Variants in ZNF16 observed in about 807,000 individuals in gnomAD.
The protein encoded by ZNF16 is zinc finger protein KOX9.
In ZNF16, 7 loss-of-function variants were observed where a neutral mutation model predicts 9.0. That is an observed-to-expected ratio of 0.78 (90% confidence interval 0.44 to 1.47). The LOEUF (loss-of-function observed/expected upper bound fraction) is 1.47, where lower values mean the gene tolerates loss of function less well. Among genes scored for constraint, ZNF16 ranks in the 40% most tolerant of loss-of-function variants. The pLI is 0.01. For synonymous variants in ZNF16, 312 were observed against 301.5 expected (o/e 1.03, Z -0.36); for missense variants, 830 against 854.2 (o/e 0.97, Z 0.35).
At chr8:144,935,088 T>C (rs909774558) in intron 2 of ZNF16, among the ~76,000 whole-genome samples, 2 of 152,156 alleles carry the variant, frequency 1.3e-5, no homozygotes, top group African/African-American at 4.8e-5. Context: ...GAGAGATCAC[T>C]TTTTGGACTG....
chr8:144,934,314 C>T (rs1426988116), intron 2 of ZNF16, among the ~76,000 whole-genome samples: 4 of 152,252 alleles, frequency 2.6e-5, no homozygotes. Flanking sequence ...CTCCCTACTT[C>T]CTGGAGTCTG....
intron 2 of ZNF16, among the ~76,000 whole-genome samples, chr8:144,934,993 T>A (rs570858408): frequency 1.3e-5 from 2 of 152,010 alleles, no homozygotes; most frequent in Admixed American, 1.3e-4. Context: ...GAGGAACGGG[T>A]TGTCTAGCCC....
chr8:144,947,562 C>T (rs534781600), intron 1 of ZNF16, among the ~76,000 whole-genome samples: 2 of 152,288 alleles, frequency 1.3e-5, no homozygotes, highest in Admixed American at 6.5e-5. Context: ...TATGTGTCAA[C>T]GCCTACCAAA....
intron 2 of ZNF16, among the ~76,000 whole-genome samples, chr8:144,943,037 G>A (rs1233486654): frequency 6.6e-6 from 1 of 152,170 alleles, no homozygotes; most frequent in Non-Finnish European, 1.5e-5. Context: ...CAGTCTATTT[G>A]TAACAAGCTT....
Position 144,944,615 on chromosome 8 carries a change from C to T in ZNF16, c.196+1396G>A, listed in dbSNP as rs534096529. 5.9e-5 allele frequency: 9 copies of T among 152,308 alleles called. 1 individual carries two copies. In the South Asian group the frequency reaches 1.9e-3, roughly 32 times the overall value. The allele number at this position is 152,308 out of a possible 1,614,324, so 9.4% of individuals were successfully genotyped here. A position where few individuals can be genotyped will look rare whatever the true frequency, so the allele number is the denominator to read the frequency against. On this transcript the variant is annotated intron_variant, in intron 2 of 2. Transcript: ENST00000394909. ...CAATGTCTGTGCTTTCTCCAGGACA[C>T]TTTTTGTCAGTTTACTTTTTTCCTT...
intron 1 of ZNF16, among the ~76,000 whole-genome samples, chr8:144,947,600 C>T (rs1468554446): frequency 6.6e-6 from 1 of 152,168 alleles, no homozygotes; most frequent in Non-Finnish European, 1.5e-5. Context: ...ATCTGAGTTG[C>T]ACCATCCTGG....
intron 2 of ZNF16, among the ~76,000 whole-genome samples, chr8:144,943,710 G>A (rs1586957256): frequency 6.6e-6 from 1 of 151,682 alleles, no homozygotes; most frequent in Middle Eastern, 3.4e-3. Flanking sequence ...AGTAGAGACA[G>A]GGTTTCACCA....
chr8:144,936,731 ATTTAT>A (rs2130015275), intron 2 of ZNF16, among the ~76,000 whole-genome samples: 1 of 151,700 alleles, frequency 6.6e-6, no homozygotes, highest in East Asian at 1.9e-4. Context: ...TTATTTATTT[ATTTAT>A]TTATTTATGA....
intron 1 of ZNF16, among the ~76,000 whole-genome samples, chr8:144,946,740 C>CT (rs1833953549): frequency 3.2e-5 from 3 of 92,626 alleles, no homozygotes; most frequent in African/African-American, 9.2e-5. Context: ...TGCTGTGGGC[C>CT]ATACCCTTCT....
At chr8:144,946,862 T>G (rs1305586400) in intron 1 of ZNF16, among the ~76,000 whole-genome samples, 2 of 72,492 alleles carry the variant, frequency 2.8e-5, no homozygotes, top group African/African-American at 5.7e-5. Context: ...GTCCTGCTGT[T>G]GGGCTTGTGT....
chr8:144,937,143 CT>C (rs58306145), intron 2 of ZNF16, among the ~76,000 whole-genome samples: 2,045 of 110,846 alleles, frequency 0.018, 14 homozygotes, highest in African/African-American at 0.068. Context: ...CTTTCTCTCT[CT>C]TTTTTTTTTT....
In ZNF16 at chr8:144,930,361, C is replaced by A. The variant is rs191050030; in HGVS notation, c.*377G>T. 3.6e-3 allele frequency: 651 copies of A among 181,460 alleles called. 2 individuals carry two copies. The highest frequency in any genetic ancestry group is 5.4e-3 in the Admixed American group (97 of 17,866). The allele number at this position is 181,460 out of a possible 1,614,324, so 11.2% of individuals were successfully genotyped here. A position where few individuals can be genotyped will look rare whatever the true frequency, so the allele number is the denominator to read the frequency against. ...AGAATTCACGCCACACAACTCATTA[C>A]CAATCAAACAAACTACTATGGTTAT... On this transcript the variant is annotated 3_prime_UTR_variant, in exon 3 of 3. Coordinates refer to ENST00000394909, the MANE Select transcript of ZNF16 (RefSeq NM_006958.3).
intron 2 of ZNF16, among the ~76,000 whole-genome samples, chr8:144,935,452 C>T (rs12543524): frequency 0.25 from 38,124 of 151,454 alleles, 4,833 homozygotes; most frequent in East Asian, 0.35. Context: ...GTGATCTACC[C>T]GCCTCGGCCT....
In ZNF16 at chr8:144,933,024, C is replaced by A. The variant is rs1833594919; in HGVS notation, c.197-434G>T. Among the ~76,000 whole-genome samples the A allele has an allele frequency of 6.6e-6, 1 of 152,126 alleles. No individual in the cohort carries two copies. Among genetic ancestry groups the A allele is most frequent in the Non-Finnish European group, 1.5e-5 (1 of 68,042 alleles). ...TACCAGAAAAACGTCTCACACCACT[C>A]CTTACACTGTTACATATTTCACCCT... On this transcript the variant is annotated intron_variant, in intron 2 of 2. Coordinates refer to ENST00000394909, the MANE Select transcript of ZNF16 (RefSeq NM_006958.3). This position sits in a 1 kb window ranked among gnomAD's most constrained non-coding sequence, Gnocchi z 5.6.
intron 2 of ZNF16, chr8:144,944,074 CT>C (rs201224329): frequency 0.2 from 24,608 of 122,338 alleles, 1,940 homozygotes; most frequent in East Asian, 0.34. Context: ...TTCTTTTTTT[CT>C]TTTTTTTTTT....
chr8:144,941,976 ATT>A (rs1000299480), intron 2 of ZNF16, among the ~76,000 whole-genome samples: 27 of 92,012 alleles, frequency 2.9e-4, no homozygotes, highest in Admixed American at 3.7e-4. Context: ...CATTTTTAAG[ATT>A]TTTTTTTTTT....
rs777491364 is a variant in ZNF16 at position 144,932,151 on chromosome 8, A to G, written c.636T>C (p.Asn212=). ...TTCCTTGGAAGGTTTTCCCACACTC[A>G]TTACATATGAGTGGACTTTCAGCTG... ...VPTAESPLIC[N]ECGKTFQGNP... The change falls in exon 3 of 3, where the codon AAT becomes AAC. Residue 212 remains asparagine, a synonymous_variant. Coordinates refer to ENST00000394909, the MANE Select transcript of ZNF16 (RefSeq NM_006958.3). This position sits in a 1 kb window ranked among gnomAD's most constrained non-coding sequence, Gnocchi z 5.0. The G allele has an allele frequency of 7.4e-6, 12 of 1,614,228 alleles. No homozygotes were observed. The highest frequency in any genetic ancestry group is 1.0e-5 in the Non-Finnish European group (12 of 1,180,044).
chr8:144,937,565 T>G (rs1351510935), intron 2 of ZNF16, among the ~76,000 whole-genome samples: 1 of 152,226 alleles, frequency 6.6e-6, no homozygotes, highest in Non-Finnish European at 1.5e-5. Context: ...AAATCCAAGA[T>G]TGGGAAGATT....
At chr8:144,947,077 A>G (rs867237985) in intron 1 of ZNF16, among the ~76,000 whole-genome samples, 281 of 66,456 alleles carry the variant, frequency 4.2e-3, no homozygotes, top group Non-Finnish European at 5.0e-3. Flanking sequence ...CCTGTACCCT[A>G]CTGTGGGCCA....
Sources: gnomAD v4.1 joint callset for allele counts (sites outside exome capture counted in the v4.1 genomes callset) on GRCh38, gnomAD v4.1.1 for gene constraint, Gnocchi (gnomAD v3.1) non-coding constraint, MANE v1.5 for transcripts, NCBI Gene and HGNC (gene_info 2026-07-23, HGNC 2026-07-21) for gene names.